Variants in PTPRT observed in about 807,000 individuals in gnomAD.
PTPRT encodes the protein protein tyrosine phosphatase receptor type T.
Under a neutral mutation model 176.8 loss-of-function variants are expected in PTPRT, and 56 were observed. That is an observed-to-expected ratio of 0.32 (90% CI 0.26 to 0.40). The LOEUF (loss-of-function observed/expected upper bound fraction) is 0.40. Ranked by LOEUF, PTPRT falls within the 10% of genes least tolerant of loss-of-function variation. The pLI is 1.00. For synonymous variants in PTPRT, 783 were observed against 739.0 expected, an observed-to-expected ratio of 1.06 and a Z score of -0.96; for missense variants, 1,540 against 1,908.2, an observed-to-expected ratio of 0.81 and a Z score of 3.60.
At chr20:42,057,796 C>T in the PTPRT span, among the ~76,000 whole-genome samples, 1 of 152,106 alleles carries the variant, frequency 6.6e-6, no homozygotes, top group Non-Finnish European at 1.5e-5. Flanking sequence ...CCAGGCTGAT[C>T]TCAAACTCCT....
chr20:42,190,328 A>C (rs1243131393), intron 16 of PTPRT, among the ~76,000 whole-genome samples: 1 of 152,152 alleles, frequency 6.6e-6, no homozygotes, highest in Non-Finnish European at 1.5e-5. Context: ...TTCACTGTTC[A>C]GACAAAAGGA....
chr20:42,038,367 T>G, the PTPRT span, among the ~76,000 whole-genome samples: 2 of 152,160 alleles, frequency 1.3e-5, no homozygotes, highest in Non-Finnish European at 2.9e-5. Flanking sequence ...TACCCCAGAC[T>G]GTTAAGACTT....
At chr20:42,254,760 G>C (rs891868273) in intron 13 of PTPRT, among the ~76,000 whole-genome samples, 1 of 152,150 alleles carries the variant, frequency 6.6e-6, no homozygotes. Context: ...CCAAAGTCCT[G>C]CATCAGAGTC....
intron 11 of PTPRT, among the ~76,000 whole-genome samples, chr20:42,328,699 G>A (rs972663490): frequency 2.0e-5 from 3 of 151,666 alleles, no homozygotes; most frequent in Non-Finnish European, 2.9e-5. Context: ...AACATTATAC[G>A]TAAGAGAAAT....
intron 9 of PTPRT, among the ~76,000 whole-genome samples, chr20:42,352,705 T>C (rs189787684): frequency 3.3e-5 from 5 of 152,298 alleles, no homozygotes; most frequent in Admixed American, 2.6e-4. Context: ...CATTTTAAAA[T>C]AACTAAAAGG....
intron 19 of PTPRT, among the ~76,000 whole-genome samples, chr20:42,122,760 T>C (rs1373008053): frequency 1.3e-5 from 2 of 152,202 alleles, no homozygotes; most frequent in African/African-American, 4.8e-5. Flanking sequence ...TTTCCCTGCT[T>C]ATAAGCCTGC....
chr20:42,518,953 A>G (rs567434994), intron 7 of PTPRT, among the ~76,000 whole-genome samples: 4 of 152,218 alleles, frequency 2.6e-5, no homozygotes, highest in African/African-American at 9.6e-5. Flanking sequence ...CTGTTGTGAG[A>G]AATAATATAT....
At chr20:42,907,143 A>C (rs549212016) in intron 1 of PTPRT, among the ~76,000 whole-genome samples, 2 of 152,318 alleles carry the variant, frequency 1.3e-5, no homozygotes, top group African/African-American at 4.8e-5. Context: ...AAAAGAAATC[A>C]TCATAAACAT....
At chr20:42,133,302 A>G (rs1988216271) in intron 18 of PTPRT, among the ~76,000 whole-genome samples, 1 of 152,182 alleles carries the variant, frequency 6.6e-6, no homozygotes, top group East Asian at 1.9e-4. Flanking sequence ...ATATAACCTC[A>G]CTGTAAGTGA....
intron 2 of PTPRT, among the ~76,000 whole-genome samples, chr20:42,847,952 T>G (rs2078404133): frequency 6.6e-6 from 1 of 152,182 alleles, no homozygotes; most frequent in Non-Finnish European, 1.5e-5. Flanking sequence ...GTATACACCG[T>G]ACCCAATTTG....
At chr20:42,148,801 C>A (rs1238085364) in intron 17 of PTPRT, among the ~76,000 whole-genome samples, 1 of 152,162 alleles carries the variant, frequency 6.6e-6, no homozygotes, top group Non-Finnish European at 1.5e-5. Flanking sequence ...AAAAAATGAC[C>A]AAACACCCCC....
intron 17 of PTPRT, among the ~76,000 whole-genome samples, chr20:42,157,377 A>C (rs1989404488): frequency 6.9e-6 from 1 of 144,938 alleles, no homozygotes; most frequent in Admixed American, 7.0e-5. Flanking sequence ...ATGGAGTCTC[A>C]CTCTGTCCCA....
rs75467611 is a variant in PTPRT at position 43,010,711 on chromosome 20, T to A, written c.89-124779A>T. On this transcript the variant is annotated intron_variant, in intron 1 of 30. Transcript: ENST00000373187. Reference sequence around the variant, plus strand: ...CATCAGCTACGAACACAGAGTTGCATGAATCCACCACTTGCAAGAAAAAAA... The same window carrying A: ...CATCAGCTACGAACACAGAGTTGCAAGAATCCACCACTTGCAAGAAAAAAA... Among the ~76,000 whole-genome samples the A allele has an allele frequency of 2.4e-3, 365 of 150,138 alleles. 2 individuals are homozygous for A. Among genetic ancestry groups the A allele is most frequent in the African/African-American group, 7.8e-3 (317 of 40,464 alleles).
chr20:42,536,546 T>C (rs2072479214), intron 7 of PTPRT, among the ~76,000 whole-genome samples: 5 of 152,312 alleles, frequency 3.3e-5, no homozygotes. Flanking sequence ...TTATTCACTT[T>C]ATGGGCTATG....
chr20:42,352,308 A>G (rs370724811), intron 9 of PTPRT, 23 bp from the exon 10 acceptor site: 1 of 1,612,916 alleles, frequency 6.2e-7, no homozygotes, highest in Non-Finnish European at 8.5e-7. Context: ...CCAGCAAACA[A>G]ACAAACAAAT....
chr20:42,364,302 A>G (rs2037782473), intron 9 of PTPRT, among the ~76,000 whole-genome samples: 1 of 152,050 alleles, frequency 6.6e-6, no homozygotes, highest in Non-Finnish European at 1.5e-5. Flanking sequence ...TTCATTCAGC[A>G]TTTTTCTCAT....
Position 42,199,352 on chromosome 20 carries a change from T to C in PTPRT, c.2379A>G (p.Gly793=). Residue 793 remains glycine, a synonymous_variant, in exon 16 of 31, where the codon GGA becomes GGG. Transcript: ENST00000373187. ...CCACAGGCCCCATCTCCCTCTGGGCTCCACTCTGGGTCTCCTTCTGCTTCT... is the reference window on the plus strand; with the variant it reads ...CCACAGGCCCCATCTCCCTCTGGGCCCCACTCTGGGTCTCCTTCTGCTTCT... The part of the protein sequence containing the change: ...LAKKQKETQS[G]AQREMGPVAS... 1 of 1,614,092 alleles carries C rather than the reference T, an allele frequency of 6.2e-7. No individual in the cohort carries two copies. Among genetic ancestry groups the C allele is most frequent in the Non-Finnish European group, 8.5e-7 (1 of 1,179,964 alleles).
chr20:42,505,341 TCCC>T (rs1210955109), intron 7 of PTPRT, among the ~76,000 whole-genome samples: 1 of 152,128 alleles, frequency 6.6e-6, no homozygotes, highest in African/African-American at 2.4e-5. Flanking sequence ...CCGCTCTGTC[TCCC>T]AGGCTGGAGT....
chr20:43,101,367 G>A (rs1337299312), intron 1 of PTPRT, among the ~76,000 whole-genome samples: 2 of 152,088 alleles, frequency 1.3e-5, no homozygotes, highest in African/African-American at 2.4e-5. Context: ...CAGGAACATG[G>A]ACTGGAGTCT....
Sources: allele counts gnomAD v4.1 joint callset (sites outside exome capture counted in the v4.1 genomes callset), GRCh38; gene constraint gnomAD v4.1.1; transcripts MANE v1.5; gene names NCBI Gene and HGNC (gene_info 2026-07-23, HGNC 2026-07-21).